The following C8A variants were observed in gnomAD, a reference collection of about 807,000 sequenced individuals.
C8A encodes the protein complement C8 alpha chain, also known as complement component C8 alpha chain.
C8A carries 67 observed loss-of-function variants against 65.3 expected under a neutral mutation model. The observed-to-expected ratio is 1.03, with a 90% CI of 0.84 to 1.26. C8A has a LOEUF of 1.26. C8A is among the 50% of genes most tolerant of loss of function. C8A has a pLI of 0.00. For missense variants in C8A, 781 were observed against 723.9 expected (o/e 1.08, Z -0.90); for synonymous variants, 290 against 259.4 (o/e 1.12, Z -1.13).
chr1:56,867,686 C>T lies in C8A; in HGVS notation c.155C>T (p.Pro52Leu), dbSNP rs200247116. 18 of 1,613,656 alleles carry T rather than the reference C, an allele frequency of 1.1e-5. No homozygotes were observed. Among genetic ancestry groups the T allele is most frequent in the East Asian group, 6.7e-5 (3 of 44,862 alleles). The change falls in exon 2 of 11, where the codon CCG becomes CTG. Residue 52 changes from proline to leucine, a missense_variant. Pro to Leu is a moderately conservative substitution (Grantham distance 98). Coordinates refer to ENST00000361249, the MANE Select transcript of C8A (RefSeq NM_000562.3). ...TGGTCAGAGTGGACAGATTGCTTTC[C>T]GTGCCAGGACAAAAAGGTGAGACAC... The part of the protein sequence containing the change: ...SNWSEWTDCF[P>L]CQDKKYRHRS...
intron 1 of C8A, among the ~76,000 whole-genome samples, chr1:56,859,295 T>C (rs1644007812): frequency 6.6e-6 from 1 of 152,246 alleles, no homozygotes; most frequent in South Asian, 2.1e-4. Flanking sequence ...TGAGATAATA[T>C]ATTCAAGGTA....
At chr1:56,866,700 G>A (rs1644091690) in intron 1 of C8A, among the ~76,000 whole-genome samples, 1 of 152,198 alleles carries the variant, frequency 6.6e-6, no homozygotes. Flanking sequence ...GGCCAATCTG[G>A]CTTTGAAGTT....
chr1:56,901,372 G>C (rs753291029), intron 7 of C8A, among the ~76,000 whole-genome samples: 1 of 152,014 alleles, frequency 6.6e-6, no homozygotes, highest in Admixed American at 6.6e-5. Context: ...GCAGTGTTCT[G>C]GCACCTTGGA....
At chr1:56,856,916 A>G (rs1643982496) in intron 1 of C8A, among the ~76,000 whole-genome samples, 1 of 152,098 alleles carries the variant, frequency 6.6e-6, no homozygotes, top group Non-Finnish European at 1.5e-5. Flanking sequence ...TATAATCTTC[A>G]GCCTCAAAAT....
At chr1:56,906,362 A>C (rs918332017) in intron 7 of C8A, among the ~76,000 whole-genome samples, 10 of 152,196 alleles carry the variant, frequency 6.6e-5, no homozygotes, top group Non-Finnish European at 1.5e-4. Flanking sequence ...GCATGGGGGC[A>C]AATGCAGAAG....
intron 5 of C8A, among the ~76,000 whole-genome samples, chr1:56,882,707 A>C (rs1570330023): frequency 1.3e-5 from 2 of 152,264 alleles, no homozygotes; most frequent in East Asian, 3.9e-4. Flanking sequence ...GGAAGACATA[A>C]ACAACACCAT....
chr1:56,885,242 G>T lies in C8A; in HGVS notation c.856-685G>T, dbSNP rs115010591. 2.7e-3 allele frequency among the ~76,000 whole-genome samples: 385 copies of T among 143,452 alleles called. 3 individuals carry two copies. The highest frequency in any genetic ancestry group is 9.6e-3 in the African/African-American group (363 of 37,826). 94.1% of individuals were successfully genotyped at this position (143,452 alleles called of 152,430 possible). ...AAATATAGTAGTACTCCAATTACAT[G>T]TATTTATGTTCATATACGTGTTTAT... On this transcript the variant is annotated intron_variant, in intron 6 of 10. Coordinates refer to ENST00000361249, the MANE Select transcript of C8A (RefSeq NM_000562.3).
chr1:56,890,975 T>C (rs1644340325), intron 7 of C8A, among the ~76,000 whole-genome samples: 1 of 152,208 alleles, frequency 6.6e-6, no homozygotes, highest in Non-Finnish European at 1.5e-5. Context: ...TATTACTGCA[T>C]ATTCATTTCC....
chr1:56,890,998 G>A (rs1644340580), intron 7 of C8A, among the ~76,000 whole-genome samples: 2 of 152,208 alleles, frequency 1.3e-5, no homozygotes, highest in African/African-American at 4.8e-5. Context: ...GAATATAGTA[G>A]GGACTTAATA....
chr1:56,854,914 G>A lies in C8A; in HGVS notation c.13G>A (p.Val5Ile), dbSNP rs1643958363. The A allele has an allele frequency of 6.2e-7, 1 of 1,613,572 alleles. No individual in the cohort carries two copies. The highest frequency in any genetic ancestry group is 8.5e-7 in the Non-Finnish European group (1 of 1,179,784). The part of the protein sequence containing the change: MFAV[V>I]FFILSLMTCQ... ...GCTTCTGGCTGAGATGTTTGCTGTT[G>A]TTTTCTTCATCTTGTCTTTGATGAC... Residue 5 changes from valine (V) to isoleucine (I), a missense_variant, in exon 1 of 11, where the codon GTT (valine) becomes ATT (isoleucine). By Grantham distance (29) the Val-to-Ile change is conservative. Transcript: ENST00000361249.
rs766644316 is a variant in C8A, at chr1:56,876,156, C to T, written c.411C>T (p.Asp137=). The change falls in exon 4 of 11, where the codon GAC becomes GAT. Residue 137 remains aspartate, a synonymous_variant. Coordinates refer to ENST00000361249, the MANE Select transcript of C8A (RefSeq NM_000562.3). The stretch of plus-strand genomic sequence containing the variant: ...ACTGTGAAGATGTCAGGGCCATTGA[C>T]GAAGACTGCAGCCAGTATGAACCAA... The part of the protein sequence containing the change: ...EDDCEDVRAI[D]EDCSQYEPIP... The T allele has an allele frequency of 1.9e-5, 31 of 1,613,848 alleles. No homozygotes were observed. Among genetic ancestry groups the T allele is most frequent in the South Asian group, 6.6e-5 (6 of 91,050 alleles).
chr1:56,870,683 T>TAAA (rs1456199419), intron 2 of C8A, among the ~76,000 whole-genome samples: 3,054 of 151,938 alleles, frequency 0.02, 67 homozygotes, highest in African/African-American at 0.053. Flanking sequence ...AATTAAATTT[T>TAAA]TCGTATTTAT....
At chr1:56,914,645 C>T (rs924805221) in intron 10 of C8A, among the ~76,000 whole-genome samples, 2 of 152,054 alleles carry the variant, frequency 1.3e-5, no homozygotes, top group African/African-American at 4.8e-5. Flanking sequence ...GCTCAGGTAC[C>T]AAACCGATCT....
intron 10 of C8A, among the ~76,000 whole-genome samples, chr1:56,915,589 A>G (rs1437849130): frequency 6.6e-6 from 1 of 152,248 alleles, no homozygotes; most frequent in East Asian, 1.9e-4. Context: ...AACAGAAAAA[A>G]TAACTAAGCC....
At position 56,886,112 on chromosome 1, in the gene C8A, G is replaced by A. The variant is rs1197139305; in HGVS notation, c.1041G>A (p.Met347Ile). The A allele has an allele frequency of 1.2e-6, 2 of 1,613,906 alleles. No individual in the cohort carries two copies. The highest frequency in any genetic ancestry group is 1.3e-5 in the African/African-American group (1 of 74,920). ...CCCATTACATCACATCTGGATCCATGGGTGGCATTTATGAATATATCCTGG... is the reference window on the plus strand; with the variant it reads ...CCCATTACATCACATCTGGATCCATAGGTGGCATTTATGAATATATCCTGG... ...YGTHYITSGS[M>I]GGIYEYILVI... is the part of the protein sequence containing the mutation. Residue 347 changes from methionine to isoleucine, a missense_variant, in exon 7 of 11, where the codon ATG (methionine) becomes ATA (isoleucine). Met to Ile is a conservative substitution (Grantham distance 10). Transcript: ENST00000361249.
chr1:56,876,179 C>G lies in C8A; in HGVS notation c.434C>G (p.Pro145Arg). The G allele has an allele frequency of 2.5e-6, 4 of 1,613,888 alleles. No individual in the cohort carries two copies. Among genetic ancestry groups the G allele is most frequent in the Non-Finnish European group, 3.4e-6 (4 of 1,179,872 alleles). Reference sequence around the variant, plus strand: ...GACGAAGACTGCAGCCAGTATGAACCAATTCCAGGATCACAGAAGGCAGCC... The same window carrying G: ...GACGAAGACTGCAGCCAGTATGAACGAATTCCAGGATCACAGAAGGCAGCC... ...AIDEDCSQYEPIPGSQKAALG... is the reference protein window; with the variant it reads ...AIDEDCSQYERIPGSQKAALG... Residue 145 changes from proline (P) to arginine (R), a missense_variant, in exon 4 of 11, where the codon CCA (proline) becomes CGA (arginine). By Grantham distance (103) the Pro-to-Arg change is moderately radical. Coordinates refer to ENST00000361249, the MANE Select transcript of C8A (RefSeq NM_000562.3).
intron 5 of C8A, among the ~76,000 whole-genome samples, chr1:56,882,545 C>A (rs1428641752): frequency 6.6e-6 from 1 of 152,118 alleles, no homozygotes; most frequent in Non-Finnish European, 1.5e-5. Context: ...ATAGATTATA[C>A]ACTTTCTAGA....
chr1:56,891,001 A>G (rs1290349876), intron 7 of C8A, among the ~76,000 whole-genome samples: 9 of 152,178 alleles, frequency 5.9e-5, no homozygotes, highest in African/African-American at 1.9e-4. Context: ...TATAGTAGGG[A>G]CTTAATAACT....
At chr1:56,871,189 A>G (rs1364323193) in intron 2 of C8A, among the ~76,000 whole-genome samples, 2 of 152,220 alleles carry the variant, frequency 1.3e-5, no homozygotes, top group Non-Finnish European at 2.9e-5. Flanking sequence ...GCCTTAAAAA[A>G]TTATCTTGTT....
Sources: gnomAD v4.1 joint callset for allele counts (sites outside exome capture counted in the v4.1 genomes callset) on GRCh38, gnomAD v4.1.1 for gene constraint, MANE v1.5 for transcripts, NCBI Gene and HGNC (gene_info 2026-07-23, HGNC 2026-07-21) for gene names.